Variants in LRRC4C observed in about 807,000 individuals in gnomAD.
LRRC4C encodes leucine-rich repeat-containing protein 4C.
Under a neutral mutation model 33.6 loss-of-function variants are expected in LRRC4C, and 5 were observed. That is an observed-to-expected ratio of 0.15 (90% CI 0.08 to 0.31). LRRC4C has a LOEUF of 0.31. LRRC4C is among the 10% of genes least tolerant of loss of function. The pLI is 1.00. For missense variants in LRRC4C, 560 were observed against 796.7 expected (o/e 0.70, Z 3.58); for synonymous variants, 329 against 302.0 (o/e 1.09, Z -0.93).
At chr11:40,447,013 C>T (rs1474701794) in intron 3 of LRRC4C, 3 of 154,776 alleles carry the variant, frequency 1.9e-5, no homozygotes, top group South Asian at 2.0e-4. Context: ...ATAAAAAGTG[C>T]CTCAGGTCTC....
chr11:40,539,442 G>T (rs981179867), intron 3 of LRRC4C, among the ~76,000 whole-genome samples: 1 of 152,028 alleles, frequency 6.6e-6, no homozygotes, highest in Non-Finnish European at 1.5e-5. Context: ...TCAGAGTCAA[G>T]CATAGCCTCT....
intron 3 of LRRC4C, among the ~76,000 whole-genome samples, chr11:40,341,819 G>T (rs1191586178): frequency 1.3e-5 from 2 of 152,136 alleles, no homozygotes; most frequent in African/African-American, 4.8e-5. Flanking sequence ...TGAGTGACAA[G>T]GTTGGGGTTC....
chr11:40,682,366 C>A (rs1438642259), intron 2 of LRRC4C, among the ~76,000 whole-genome samples: 4 of 151,974 alleles, frequency 2.6e-5, no homozygotes, highest in African/African-American at 7.3e-5. Flanking sequence ...TGAATATCTG[C>A]CACTCAAACA....
intron 2 of LRRC4C, among the ~76,000 whole-genome samples, chr11:40,762,662 C>A (rs1365618111): frequency 6.6e-6 from 1 of 152,108 alleles, no homozygotes; most frequent in Non-Finnish European, 1.5e-5. Flanking sequence ...GTATGAGATG[C>A]ATACCTCAGT....
intron 5 of LRRC4C, among the ~76,000 whole-genome samples, chr11:40,236,838 G>T (rs1356169665): frequency 1.3e-5 from 2 of 152,076 alleles, no homozygotes; most frequent in African/African-American, 2.4e-5. Flanking sequence ...AGACTTCAAG[G>T]TTTATATATT....
intron 1 of LRRC4C, among the ~76,000 whole-genome samples, chr11:41,038,739 C>A (rs1295362937): frequency 2.0e-5 from 3 of 152,144 alleles, no homozygotes; most frequent in Non-Finnish European, 4.4e-5. Flanking sequence ...CACACACATA[C>A]ATACATACAC....
chr11:40,212,102 G>C (rs1460431799), intron 5 of LRRC4C, among the ~76,000 whole-genome samples: 3 of 152,126 alleles, frequency 2.0e-5, no homozygotes, highest in Non-Finnish European at 4.4e-5. Context: ...ATTATTCTAA[G>C]AGTCATGTTT....
intron 5 of LRRC4C, among the ~76,000 whole-genome samples, chr11:40,144,369 A>G (rs1857576510): frequency 6.6e-6 from 1 of 152,172 alleles, no homozygotes; most frequent in Admixed American, 6.6e-5. Context: ...GCACTGTTCG[A>G]AACACTTACA....
At chr11:41,224,688 A>G (rs1947452918) in intron 1 of LRRC4C, among the ~76,000 whole-genome samples, 1 of 152,194 alleles carries the variant, frequency 6.6e-6, no homozygotes, top group Non-Finnish European at 1.5e-5. Flanking sequence ...TGAAATGTCA[A>G]CGTACTCATT....
intron 3 of LRRC4C, among the ~76,000 whole-genome samples, chr11:40,529,148 G>A (rs1040191677): frequency 1.3e-5 from 2 of 152,056 alleles, no homozygotes; most frequent in Non-Finnish European, 2.9e-5. Context: ...TTTATTATGA[G>A]GGTAGATATC....
chr11:41,210,838 T>C (rs1040959322), intron 1 of LRRC4C, among the ~76,000 whole-genome samples: 2 of 152,162 alleles, frequency 1.3e-5, no homozygotes, highest in Admixed American at 1.3e-4. Context: ...TCAGGGAAGG[T>C]AATTCTTCCA....
chr11:41,355,389 A>G (rs1952124965), intron 1 of LRRC4C, among the ~76,000 whole-genome samples: 1 of 152,148 alleles, frequency 6.6e-6, no homozygotes, highest in Non-Finnish European at 1.5e-5. Flanking sequence ...AAATGTGAGG[A>G]CATGGATAAG....
chr11:41,137,431 T>TATATC (rs1176154595), intron 1 of LRRC4C, among the ~76,000 whole-genome samples: 1 of 152,212 alleles, frequency 6.6e-6, no homozygotes, highest in Non-Finnish European at 1.5e-5. Flanking sequence ...GGTAATATTT[T>TATATC]ATATCATATG....
chr11:41,441,785 C>T (rs1955628294), intron 1 of LRRC4C, among the ~76,000 whole-genome samples: 1 of 152,020 alleles, frequency 6.6e-6, no homozygotes, highest in Non-Finnish European at 1.5e-5. Flanking sequence ...GAACTATGAC[C>T]TACAATTTCT....
intron 3 of LRRC4C, among the ~76,000 whole-genome samples, chr11:40,493,219 A>C (rs1216524003): frequency 6.6e-6 from 1 of 152,056 alleles, no homozygotes; most frequent in Non-Finnish European, 1.5e-5. Context: ...GAATGGGAAA[A>C]ATTATGTAAG....
At chr11:41,196,674 T>C (rs972402990) in intron 1 of LRRC4C, among the ~76,000 whole-genome samples, 2 of 151,966 alleles carry the variant, frequency 1.3e-5, no homozygotes, top group Non-Finnish European at 2.9e-5. Context: ...AGTGGGTAGA[T>C]AGATGAATAG....
intron 3 of LRRC4C, among the ~76,000 whole-genome samples, chr11:40,528,635 T>C (rs898435775): frequency 1.3e-5 from 2 of 152,170 alleles, no homozygotes; most frequent in Non-Finnish European, 2.9e-5. Context: ...ATCTTAATTC[T>C]GAGTATATAC....
At chr11:41,012,381 G>A (rs906790796) in intron 1 of LRRC4C, among the ~76,000 whole-genome samples, 1 of 152,032 alleles carries the variant, frequency 6.6e-6, no homozygotes, top group African/African-American at 2.4e-5. Context: ...ATGATATCCA[G>A]TTCCATCCAT....
chr11:40,496,314 G>A (rs1032497138), intron 3 of LRRC4C, among the ~76,000 whole-genome samples: 8 of 152,102 alleles, frequency 5.3e-5, no homozygotes, highest in African/African-American at 1.9e-4. Context: ...CCAGCTTTGT[G>A]AGGTGTAACT....
Sources: allele counts gnomAD v4.1 joint callset (sites outside exome capture counted in the v4.1 genomes callset), GRCh38; gene constraint gnomAD v4.1.1; transcripts MANE v1.5; gene names NCBI Gene and HGNC (gene_info 2026-07-23, HGNC 2026-07-21).